ADAM28: variants seen among roughly 807,000 people sequenced by gnomAD.
ADAM28 encodes ADAM metallopeptidase domain 28.
In ADAM28, 105 loss-of-function variants were observed where a neutral mutation model predicts 101.2. The ratio of observed to expected loss-of-function variants is 1.04; its 90% CI spans 0.89 to 1.22. The LOEUF (loss-of-function observed/expected upper bound fraction) is 1.22. Among genes scored for constraint, ADAM28 ranks in the 50% most tolerant of loss-of-function variants. The pLI is 0.00. For missense variants in ADAM28, 1,028 were observed against 945.4 expected (o/e 1.09, Z -1.15); for synonymous variants, 322 against 310.6 (o/e 1.04, Z -0.39).
intron 6 of ADAM28, 75 bp from the exon 7 acceptor site, chr8:24,320,161 T>C (rs1811677061): frequency 4.6e-6 from 5 of 1,090,762 alleles, no homozygotes; most frequent in Non-Finnish European, 6.9e-6. Flanking sequence ...GCTTATAAAA[T>C]TACAGATGTC....
At chr8:24,348,289 A>G (rs1187228318) in intron 18 of ADAM28, among the ~76,000 whole-genome samples, 1 of 152,194 alleles carries the variant, frequency 6.6e-6, no homozygotes, top group Non-Finnish European at 1.5e-5. Flanking sequence ...AAGAGAAAGA[A>G]CAGACAGTTG....
chr8:24,327,255 CAG>C (rs1418342813), intron 10 of ADAM28, among the ~76,000 whole-genome samples: 2 of 152,030 alleles, frequency 1.3e-5, no homozygotes, highest in African/African-American at 4.8e-5. Context: ...CAATAACAGA[CAG>C]AGAGCCAAAT....
chr8:24,353,917 A>T, intron 22 of ADAM28, 85 bp downstream of exon 22: 1 of 939,730 alleles, frequency 1.1e-6, no homozygotes, highest in Non-Finnish European at 1.6e-6. Context: ...TTTTTAGAAA[A>T]AAACTTACTA....
In ADAM28 at chr8:24,329,954, A is replaced by G; in HGVS notation, c.973-31A>G. The G allele has an allele frequency of 1.9e-6, 3 of 1,593,146 alleles. No homozygotes were observed. The Admixed American group carries it at 5.2e-5, about 28-fold the overall frequency. ...TGATGTATAATTTCATTCGAAAATCAGAGAATCTTTTTCTTCTTTCATACC... is the reference window on the plus strand; with the variant it reads ...TGATGTATAATTTCATTCGAAAATCGGAGAATCTTTTTCTTCTTTCATACC... On this transcript the variant is annotated intron_variant, in intron 10 of 22. Coordinates refer to ENST00000265769, the MANE Select transcript of ADAM28 (RefSeq NM_014265.6).
chr8:24,326,348 A>G, intron 9 of ADAM28, among the ~76,000 whole-genome samples: 1 of 152,046 alleles, frequency 6.6e-6, no homozygotes, highest in East Asian at 1.9e-4. Flanking sequence ...ATTCAACATA[A>G]TTCTATCTAG....
intron 18 of ADAM28, among the ~76,000 whole-genome samples, chr8:24,347,478 T>C (rs1426862242): frequency 6.6e-6 from 1 of 152,072 alleles, no homozygotes; most frequent in Non-Finnish European, 1.5e-5. Context: ...TCATGGGTGA[T>C]ATTGGACTGT....
chr8:24,335,977 TTTTTC>T (rs1233391007), intron 14 of ADAM28: 90 of 1,054,758 alleles, frequency 8.5e-5, no homozygotes, highest in Non-Finnish European at 9.6e-5. Context: ...ACTGGGTGTC[TTTTTC>T]TTTTCATCTG....
intron 2 of ADAM28, 41 bp from the exon 3 acceptor site, chr8:24,309,853 T>C (rs775917347): frequency 7.3e-7 from 1 of 1,364,562 alleles, no homozygotes; most frequent in South Asian, 1.2e-5. Context: ...GTCAAATGAA[T>C]ATGTTTTTAA....
At chr8:24,323,584 T>C (rs1219854164) in intron 8 of ADAM28, among the ~76,000 whole-genome samples, 1 of 151,840 alleles carries the variant, frequency 6.6e-6, no homozygotes, top group East Asian at 1.9e-4. Context: ...GGGCCTTTTC[T>C]CCTCCCTACC....
chr8:24,318,914 T>C (rs1007706943), intron 6 of ADAM28, among the ~76,000 whole-genome samples: 3 of 151,986 alleles, frequency 2.0e-5, no homozygotes, highest in African/African-American at 7.2e-5. Context: ...GCTATTTTTA[T>C]TGTAAATCAC....
rs532746039 is a variant in ADAM28 at position 24,304,827 on chromosome 8, A to C, written c.150+4750A>C. ...CTACTAAGGAGGCTGAGGCAGGAGA[A>C]TCATTGGAACCTGGGAGGCAGAGGT... is the stretch of plus-strand genomic sequence containing the variant. On this transcript the variant is annotated intron_variant, in intron 2 of 22. Transcript: ENST00000265769. 2.6e-5 allele frequency among the ~76,000 whole-genome samples: 4 copies of C among 151,932 alleles called. No individual in the cohort carries two copies. In the South Asian group the frequency reaches 6.3e-4, roughly 24 times the overall value.
rs929291274 is a variant in ADAM28, at chr8:24,310,428, T to A, written c.306+187T>A. The A allele has an allele frequency of 1.5e-5, 8 of 537,210 alleles. No homozygotes were observed. In the African/African-American group the frequency reaches 1.6e-4, roughly 10 times the overall value. The allele number at this position is 537,210 out of a possible 1,614,324, so 33.3% of individuals were successfully genotyped here. A position where few individuals can be genotyped will look rare whatever the true frequency, so the allele number is the denominator to read the frequency against. On this transcript the variant is annotated intron_variant, in intron 4 of 22. Transcript: ENST00000265769. ...ATCAATTAACAAGAACAAAACAATT[T>A]CTTGGCAACTCCGGTAAGTTTTTCC... is the stretch of plus-strand genomic sequence containing the variant.
intron 1 of ADAM28, chr8:24,295,690 C>T (rs988052646): frequency 3.3e-5 from 5 of 152,194 alleles, no homozygotes; most frequent in African/African-American, 4.8e-5. Context: ...CCCGACGGTG[C>T]ATGTATAACA....
At chr8:24,340,853 C>T (rs888684869) in intron 15 of ADAM28, 2 of 152,200 alleles carry the variant, frequency 1.3e-5, no homozygotes, top group Admixed American at 6.5e-5. Context: ...CAGCCCTCTT[C>T]CGAATTCTAC....
intron 15 of ADAM28, 129 bp downstream of exon 15, chr8:24,339,697 TTGAG>T (rs995893808): frequency 1.6e-5 from 12 of 761,936 alleles, no homozygotes; most frequent in Middle Eastern, 2.4e-4. Context: ...CAAACATTTA[TTGAG>T]TAACTACTAT....
Position 24,330,012 on chromosome 8 carries a change from G to T in ADAM28, c.1000G>T (p.Ala334Ser), listed in dbSNP as rs1813156605. The change falls in exon 11 of 23, where the codon GCA becomes TCA. Residue 334 changes from alanine (A) to serine (S), a missense_variant. Physicochemically the swap from Ala to Ser is moderately conservative, Grantham distance 99. Transcript: ENST00000265769. Reference sequence around the variant, plus strand: ...CCACAGCGATAATCTTCTTAGAGTTGCAGGGACAATGGCACATGAAATGGG... The same window carrying T: ...CCACAGCGATAATCTTCTTAGAGTTTCAGGGACAATGGCACATGAAATGGG... ...QDHSDNLLRV[A>S]GTMAHEMGHN... The T allele has an allele frequency of 1.2e-6, 2 of 1,613,362 alleles. No homozygotes were observed. The highest frequency in any genetic ancestry group is 8.5e-7 in the Non-Finnish European group (1 of 1,179,616).
rs1299393163 is a variant in ADAM28, at chr8:24,358,897, A to C, written c.*4493A>C. ...ATCTCAATATTAAATGACTAAGATG[A>C]CTAAGTCGTTTATGTTGCTCCCACC... On this transcript the variant is annotated 3_prime_UTR_variant, in exon 23 of 23. Coordinates refer to ENST00000265769, the MANE Select transcript of ADAM28 (RefSeq NM_014265.6). 1 of 152,204 alleles carries C rather than the reference A, an allele frequency of 6.6e-6. No individual in the cohort carries two copies. Among genetic ancestry groups the C allele is most frequent in the East Asian group, 1.9e-4 (1 of 5,208 alleles). 9.4% of individuals were successfully genotyped at this position (152,204 alleles called of 1,614,324 possible).
intron 13 of ADAM28, 84 bp downstream of exon 13, chr8:24,332,833 C>G (rs1450433418): frequency 1.3e-5 from 9 of 704,946 alleles, no homozygotes; most frequent in Non-Finnish European, 1.9e-5. Flanking sequence ...CTGAAATAAG[C>G]AATGCAATAT....
chr8:24,316,097 T>TA (rs1204847256), intron 6 of ADAM28, among the ~76,000 whole-genome samples: 2 of 151,602 alleles, frequency 1.3e-5, no homozygotes, highest in African/African-American at 4.8e-5. Context: ...TTTATTTATA[T>TA]TTTTTAGCAG....
Sources: gnomAD v4.1 joint callset for allele counts (sites outside exome capture counted in the v4.1 genomes callset) on GRCh38, gnomAD v4.1.1 for gene constraint, MANE v1.5 for transcripts, NCBI Gene and HGNC (gene_info 2026-07-23, HGNC 2026-07-21) for gene names.